FBXL13: variants seen among roughly 807,000 people sequenced by gnomAD.
FBXL13 encodes F-box and leucine rich repeat protein 13.
A neutral mutation model predicts 83.6 loss-of-function variants in FBXL13; 67 were observed. That is an observed-to-expected ratio of 0.80 (90% CI 0.66 to 0.98). FBXL13 has a LOEUF of 0.98. Ranked by LOEUF, FBXL13 falls within the 50% of genes least tolerant of loss-of-function variation. The probability of loss-of-function intolerance (pLI) is 0.00; values close to 1 mark genes in which losing one functional copy is unlikely to be tolerated. For missense variants in FBXL13, 822 were observed against 866.5 expected, an observed-to-expected ratio of 0.95 and a Z score of 0.64; for synonymous variants, 272 against 299.5, an observed-to-expected ratio of 0.91 and a Z score of 0.95.
chr7:103,061,765 C>T (rs963721222), intron 1 of FBXL13, among the ~76,000 whole-genome samples: 1 of 151,832 alleles, frequency 6.6e-6, no homozygotes, highest in African/African-American at 2.4e-5. Context: ...GGTGAAACCC[C>T]GTCTCTACTA....
intron 8 of FBXL13, among the ~76,000 whole-genome samples, chr7:102,938,163 T>G (rs967436802): frequency 3.3e-5 from 5 of 152,240 alleles, no homozygotes; most frequent in Non-Finnish European, 5.9e-5. Context: ...AACGGATTTG[T>G]CAAGAATACA....
intron 1 of FBXL13, among the ~76,000 whole-genome samples, chr7:103,065,281 T>C (rs184423197): frequency 5.7e-4 from 87 of 152,380 alleles, no homozygotes; most frequent in African/African-American, 1.9e-3. Context: ...GTTTCAACAA[T>C]AATTATTCTG....
exon 19 of FBXL13, chr7:102,822,158 G>C: frequency 6.2e-7 from 1 of 1,614,144 alleles, no homozygotes; most frequent in Non-Finnish European, 8.5e-7. Flanking sequence ...AAAATGTGCA[G>C]GTAATGGCAT....
chr7:102,829,665 T>C (rs183524737), intron 18 of FBXL13, among the ~76,000 whole-genome samples: 7 of 152,300 alleles, frequency 4.6e-5, no homozygotes, highest in African/African-American at 7.2e-5. Context: ...CTTGGCATTT[T>C]AGTGTCGAGT....
chr7:103,061,312 G>A (rs1298787251), intron 1 of FBXL13, among the ~76,000 whole-genome samples: 1 of 152,150 alleles, frequency 6.6e-6, no homozygotes, highest in Non-Finnish European at 1.5e-5. Flanking sequence ...CTGCCGGACT[G>A]GGCCTGTCCC....
At chr7:102,969,892 G>A (rs1585181837) in intron 6 of FBXL13, among the ~76,000 whole-genome samples, 1 of 151,172 alleles carries the variant, frequency 6.6e-6, no homozygotes, top group African/African-American at 2.5e-5. Context: ...AAAGAAAAAA[G>A]AAAAGAAAAG....
chr7:102,976,620 A>C (rs1827503255), intron 6 of FBXL13, among the ~76,000 whole-genome samples: 1 of 151,350 alleles, frequency 6.6e-6, no homozygotes, highest in African/African-American at 2.4e-5. Context: ...GTAATTCCAC[A>C]CCCTCAGTCG....
chr7:102,997,457 T>C (rs1181501008), intron 6 of FBXL13, among the ~76,000 whole-genome samples: 1 of 152,202 alleles, frequency 6.6e-6, no homozygotes, highest in Non-Finnish European at 1.5e-5. Context: ...TTTTAAAATA[T>C]ACAATAAATT....
At chr7:102,816,503 A>T (rs78656936) in intron 19 of FBXL13, among the ~76,000 whole-genome samples, 2,284 of 152,178 alleles carry the variant, frequency 0.015, 58 homozygotes, top group African/African-American at 0.053. Flanking sequence ...GGACTGACTA[A>T]CCTAAGACCC....
intron 10 of FBXL13, among the ~76,000 whole-genome samples, chr7:102,915,249 A>G (rs1012765913): frequency 6.6e-6 from 1 of 151,942 alleles, no homozygotes; most frequent in South Asian, 2.1e-4. Flanking sequence ...TGACAATTAA[A>G]TGAGAATACA....
intron 17 of FBXL13, among the ~76,000 whole-genome samples, chr7:102,850,975 T>C (rs1805120200): frequency 6.6e-6 from 1 of 152,118 alleles, no homozygotes; most frequent in African/African-American, 2.4e-5. Flanking sequence ...TTTGAAAACG[T>C]TTTTCTCTCA....
intron 8 of FBXL13, among the ~76,000 whole-genome samples, chr7:102,938,800 G>C (rs566305585): frequency 6.6e-6 from 1 of 152,192 alleles, no homozygotes; most frequent in Non-Finnish European, 1.5e-5. Context: ...CACAGCAAAT[G>C]AGATTTTCCT....
At chr7:102,957,144 G>C (rs901266038) in intron 8 of FBXL13, among the ~76,000 whole-genome samples, 4 of 152,116 alleles carry the variant, frequency 2.6e-5, no homozygotes, top group African/African-American at 9.7e-5. Flanking sequence ...ATACTACAAG[G>C]CCACAGTAAC....
intron 16 of FBXL13, among the ~76,000 whole-genome samples, chr7:102,869,054 C>A (rs985265963): frequency 1.3e-5 from 2 of 152,172 alleles, no homozygotes; most frequent in African/African-American, 4.8e-5. Flanking sequence ...AGGAACCTCG[C>A]TAATGTTTTC....
intron 16 of FBXL13, among the ~76,000 whole-genome samples, chr7:102,860,721 G>A (rs1279460170): frequency 6.6e-6 from 1 of 152,128 alleles, no homozygotes; most frequent in Non-Finnish European, 1.5e-5. Flanking sequence ...ATACGGCTGA[G>A]TCATACTACA....
intron 18 of FBXL13, among the ~76,000 whole-genome samples, chr7:102,831,837 C>A (rs1050871678): frequency 6.6e-6 from 1 of 152,104 alleles, no homozygotes; most frequent in Admixed American, 6.5e-5. Flanking sequence ...GGCCCTCACT[C>A]TTCATCTCTA....
intron 17 of FBXL13, among the ~76,000 whole-genome samples, chr7:102,845,350 A>AT (rs1450312864): frequency 3.3e-5 from 5 of 152,124 alleles, no homozygotes; most frequent in Non-Finnish European, 5.9e-5. Context: ...AAAGATACCT[A>AT]TTACCCCTAT....
intron 16 of FBXL13, among the ~76,000 whole-genome samples, chr7:102,859,573 G>A (rs146320770): frequency 6.6e-6 from 1 of 152,212 alleles, no homozygotes; most frequent in African/African-American, 2.4e-5. Context: ...TTTTAGCCCT[G>A]GGAGGGACAG....
intron 18 of FBXL13, among the ~76,000 whole-genome samples, chr7:102,829,152 C>T (rs1800226979): frequency 6.6e-6 from 1 of 152,198 alleles, no homozygotes; most frequent in Non-Finnish European, 1.5e-5. Context: ...AGCTGCGGTG[C>T]AAGTGGAACA....
Sources: allele counts gnomAD v4.1 joint callset (sites outside exome capture counted in the v4.1 genomes callset), GRCh38; gene constraint gnomAD v4.1.1; transcripts MANE v1.5; gene names NCBI Gene and HGNC (gene_info 2026-07-23, HGNC 2026-07-21).